The following ZZZ3 variants were observed in gnomAD, a reference collection of about 807,000 sequenced individuals.
The protein encoded by ZZZ3 is ZZ-type zinc finger-containing protein 3.
ZZZ3 carries 22 observed loss-of-function variants against 95.2 expected under a neutral mutation model. That is an observed-to-expected ratio of 0.23 (90% CI 0.17 to 0.33). The LOEUF (loss-of-function observed/expected upper bound fraction) is 0.33. ZZZ3 is among the 10% of genes least tolerant of loss of function. The pLI, the probability that ZZZ3 is intolerant of heterozygous loss-of-function variation, is 1.00. For missense variants in ZZZ3, 885 were observed against 1,066.5 expected (o/e 0.83, Z 2.37); for synonymous variants, 335 against 358.9 (o/e 0.93, Z 0.75).
At chr1:77,669,248 A>G (rs77189955) in intron 1 of ZZZ3, among the ~76,000 whole-genome samples, 3 of 152,132 alleles carry the variant, frequency 2.0e-5, no homozygotes, top group Admixed American at 2.0e-4. Flanking sequence ...AACTATAGAT[A>G]TCAAGTTTCT....
In ZZZ3 at chr1:77,565,741, G is replaced by T; in HGVS notation, c.2611C>A (p.Pro871Thr). The change falls in exon 15 of 15, where the codon CCT (proline) becomes ACT (threonine). Residue 871 changes from proline (P) to threonine (T), a missense_variant. Physicochemically the swap from Pro to Thr is conservative, Grantham distance 38. Around this residue, in one of 5 missense-constraint regions of ZZZ3, gnomAD observed 221 missense variants for 247.8 expected, o/e 0.89. Transcript: ENST00000370801. ...DIHKEDHQLE[P>T]IYRSETFLDR... is the part of the protein sequence containing the mutation. The stretch of plus-strand genomic sequence containing the variant: ...AAGAATGTCTCTGACCTATAAATAG[G>T]TTCTAATTGGTGATCTTCCTTGTGA... The T allele has an allele frequency of 6.2e-7, 1 of 1,613,666 alleles. No homozygotes were observed. Among genetic ancestry groups the T allele is most frequent in the Non-Finnish European group, 8.5e-7 (1 of 1,179,702 alleles).
chr1:77,566,447 T>C (rs982368241), intron 13 of ZZZ3, among the ~76,000 whole-genome samples: 1 of 152,176 alleles, frequency 6.6e-6, no homozygotes, highest in Admixed American at 6.5e-5. Context: ...TATTTAAAAA[T>C]TTTTAAAAGT....
chr1:77,681,413 C>T (rs1672742620), intron 1 of ZZZ3, among the ~76,000 whole-genome samples: 1 of 152,086 alleles, frequency 6.6e-6, no homozygotes, highest in African/African-American at 2.4e-5. Context: ...AGTACTGCAA[C>T]TACTAAATAA....
At chr1:77,628,295 T>C (rs1667498531) in intron 5 of ZZZ3, among the ~76,000 whole-genome samples, 1 of 152,218 alleles carries the variant, frequency 6.6e-6, no homozygotes, top group Non-Finnish European at 1.5e-5. Context: ...GAATATTTCT[T>C]TTGATCCTCC....
chr1:77,662,360 T>C (rs889963474), intron 1 of ZZZ3, among the ~76,000 whole-genome samples: 2 of 151,696 alleles, frequency 1.3e-5, no homozygotes, highest in African/African-American at 4.8e-5. Flanking sequence ...CCCAGACTGG[T>C]CTCAAACTCC....
chr1:77,602,583 A>G (rs1322167357), intron 5 of ZZZ3, among the ~76,000 whole-genome samples: 1 of 151,152 alleles, frequency 6.6e-6, no homozygotes, highest in Non-Finnish European at 1.5e-5. Flanking sequence ...AGGTCCAGAC[A>G]CAACCATTAT....
chr1:77,578,198 A>G (rs1268823174), intron 11 of ZZZ3, among the ~76,000 whole-genome samples: 1 of 152,190 alleles, frequency 6.6e-6, no homozygotes, highest in African/African-American at 2.4e-5. Context: ...GAAGATGATA[A>G]GACTACTTAT....
At chr1:77,605,777 G>A (rs1665169316) in intron 5 of ZZZ3, among the ~76,000 whole-genome samples, 1 of 152,128 alleles carries the variant, frequency 6.6e-6, no homozygotes, top group Non-Finnish European at 1.5e-5. Flanking sequence ...AACCAGTCCT[G>A]GCAGCATCCA....
chr1:77,586,060 T>C (rs865902308), intron 5 of ZZZ3, among the ~76,000 whole-genome samples: 1 of 152,198 alleles, frequency 6.6e-6, no homozygotes, highest in Non-Finnish European at 1.5e-5. Context: ...CTGGATAAAT[T>C]ACAGAGGGTA....
At chr1:77,676,971 CAG>C (rs1442294236) in intron 1 of ZZZ3, 1 of 152,074 alleles carries the variant, frequency 6.6e-6, no homozygotes, top group Non-Finnish European at 1.5e-5. Context: ...ACTAAACAAA[CAG>C]AATTAAACCA....
intron 5 of ZZZ3, among the ~76,000 whole-genome samples, chr1:77,610,743 G>A (rs1342484061): frequency 6.6e-6 from 1 of 151,542 alleles, no homozygotes; most frequent in African/African-American, 2.4e-5. Context: ...AAAAGCACTG[G>A]CAAAGTTTGA....
In ZZZ3 at chr1:77,635,217, C is replaced by T. The variant is rs574223337; in HGVS notation, c.-51-1812G>A. ...ACAAGTGAATTAAGTGAGAAAGTAC[C>T]CTGTAAAATATTTAAGTTGCCTGAG... On this transcript the variant is annotated intron_variant, in intron 4 of 14. Coordinates refer to ENST00000370801, the MANE Select transcript of ZZZ3 (RefSeq NM_015534.6). Among the ~76,000 whole-genome samples the T allele has an allele frequency of 3.3e-5, 5 of 152,234 alleles. No individual in the cohort carries two copies. In the South Asian group the frequency reaches 6.2e-4, roughly 19 times the overall value.
intron 4 of ZZZ3, among the ~76,000 whole-genome samples, chr1:77,637,287 T>C (rs1320962206): frequency 6.6e-6 from 1 of 152,176 alleles, no homozygotes; most frequent in Non-Finnish European, 1.5e-5. Flanking sequence ...AATGGAAGAC[T>C]ATAAAAAATC....
At chr1:77,601,926 G>A (rs1345831780) in intron 5 of ZZZ3, among the ~76,000 whole-genome samples, 1 of 152,138 alleles carries the variant, frequency 6.6e-6, no homozygotes, top group Non-Finnish European at 1.5e-5. Flanking sequence ...GGAAGGATGG[G>A]GACAGATACA....
intron 1 of ZZZ3, among the ~76,000 whole-genome samples, chr1:77,677,993 C>G (rs1274256108): frequency 6.6e-6 from 1 of 152,032 alleles, no homozygotes; most frequent in African/African-American, 2.4e-5. Context: ...CTAATGGAAG[C>G]ATAAGGTTTA....
chr1:77,596,124 T>C (rs906553124), intron 5 of ZZZ3, among the ~76,000 whole-genome samples: 1 of 152,088 alleles, frequency 6.6e-6, no homozygotes, highest in African/African-American at 2.4e-5. Context: ...AGATATTGAA[T>C]GACTGACCAT....
intron 4 of ZZZ3, among the ~76,000 whole-genome samples, chr1:77,634,665 G>A (rs1303055162): frequency 6.6e-6 from 1 of 152,140 alleles, no homozygotes; most frequent in East Asian, 1.9e-4. Flanking sequence ...TTAATGTGTG[G>A]TTTGGGAGAT....
intron 5 of ZZZ3, among the ~76,000 whole-genome samples, chr1:77,592,462 T>C (rs2100623760): frequency 6.6e-6 from 1 of 152,192 alleles, no homozygotes; most frequent in Non-Finnish European, 1.5e-5. Context: ...CCACCACGCC[T>C]GGCTATTTTT....
chr1:77,656,708 C>G (rs957250602), intron 1 of ZZZ3, among the ~76,000 whole-genome samples: 3 of 152,202 alleles, frequency 2.0e-5, no homozygotes, highest in African/African-American at 7.2e-5. Flanking sequence ...TAACCAACCT[C>G]TAAGCTGGAC....
Sources: gnomAD v4.1 joint callset for allele counts (sites outside exome capture counted in the v4.1 genomes callset) on GRCh38, gnomAD v4.1.1 for gene constraint, gnomAD v4.1.1 regional missense constraint, MANE v1.5 for transcripts, NCBI Gene and HGNC (gene_info 2026-07-23, HGNC 2026-07-21) for gene names.